The following PLEKHA6 variants were observed in gnomAD, a reference collection of about 807,000 sequenced individuals.
PLEKHA6 encodes pleckstrin homology domain containing A6.
A neutral mutation model predicts 116.7 loss-of-function variants in PLEKHA6; 60 were observed. The ratio of observed to expected loss-of-function variants is 0.51; its 90% CI spans 0.42 to 0.64. The LOEUF is 0.64. PLEKHA6 is among the 30% of genes least tolerant of loss of function. The probability of loss-of-function intolerance (pLI) is 0.00; values close to 1 mark genes in which losing one functional copy is unlikely to be tolerated. For synonymous variants in PLEKHA6, 489 were observed against 556.1 expected, an observed-to-expected ratio of 0.88 and a Z score of 1.70; for missense variants, 1,338 against 1,422.7, an observed-to-expected ratio of 0.94 and a Z score of 0.96.
chr1:204,363,278 C>A (rs1558202834), upstream of PLEKHA6, among the ~76,000 whole-genome samples: 1 of 152,250 alleles, frequency 6.6e-6, no homozygotes, highest in Non-Finnish European at 1.5e-5. Flanking sequence ...GGGGCAGAGA[C>A]CTGGGCTTCT....
intron 1 of PLEKHA6, among the ~76,000 whole-genome samples, chr1:204,294,680 C>T (rs544586080): frequency 1.8e-4 from 28 of 152,242 alleles, no homozygotes; most frequent in African/African-American, 6.5e-4. Context: ...GTTCCAATCC[C>T]GGCTCCACCA....
intron 1 of PLEKHA6, among the ~76,000 whole-genome samples, chr1:204,285,706 A>C (rs1050566151): frequency 1.3e-5 from 2 of 152,138 alleles, no homozygotes; most frequent in African/African-American, 4.8e-5. Flanking sequence ...TTTTTAAATC[A>C]CATGCATTAA....
In PLEKHA6 at chr1:204,228,229, C is replaced by T; in HGVS notation, c.2886-1G>A. 1 of 1,598,548 alleles carries T rather than the reference C, an allele frequency of 6.3e-7. No homozygotes were observed. The highest frequency in any genetic ancestry group is 8.5e-7 in the Non-Finnish European group (1 of 1,170,404). ...GCCGATGGGCACCACGTTCTGCATA[C>T]TGAAGAGGCACAGACACACAGAAAT... On this transcript the variant is annotated splice_acceptor_variant, in intron 20 of 22. Coordinates refer to ENST00000272203, the MANE Select transcript of PLEKHA6 (RefSeq NM_014935.5). LOFTEE classifies it high-confidence loss of function. The surrounding 1 kb of genome is among the most constrained non-coding windows in gnomAD (Gnocchi z 4.0).
rs765981892 is a variant in PLEKHA6 at position 204,228,040 on chromosome 1, C to A, written c.3031+43G>T. The A allele has an allele frequency of 3.1e-6, 5 of 1,598,866 alleles. No individual in the cohort carries two copies. Among genetic ancestry groups the A allele is most frequent in the Non-Finnish European group, 4.3e-6 (5 of 1,173,176 alleles). ...CGCTTCCTCCCTTAAACCTGGTCAG[C>A]TGGTTTCCCTGGCAGGGTGGAGCGA... On this transcript the variant is annotated intron_variant, in intron 21 of 22. Coordinates refer to ENST00000272203, the MANE Select transcript of PLEKHA6 (RefSeq NM_014935.5). This position sits in a 1 kb window ranked among gnomAD's most constrained non-coding sequence, Gnocchi z 4.0.
intron 1 of PLEKHA6, among the ~76,000 whole-genome samples, chr1:204,285,543 T>C (rs907924181): frequency 2.0e-5 from 3 of 151,942 alleles, no homozygotes; most frequent in African/African-American, 7.2e-5. Context: ...TAGTGCGATT[T>C]TGGCTCACCG....
chr1:204,254,170 C>T (rs1664960832), intron 9 of PLEKHA6, among the ~76,000 whole-genome samples: 1 of 152,228 alleles, frequency 6.6e-6, no homozygotes, highest in African/African-American at 2.4e-5. Flanking sequence ...CCTGGACCTC[C>T]CGGCCCTGCT....
chr1:204,304,753 G>A (rs1489667038), intron 1 of PLEKHA6, among the ~76,000 whole-genome samples: 1 of 152,138 alleles, frequency 6.6e-6, no homozygotes. Context: ...TTTAGCTTGA[G>A]CCTAAAAATT....
intron 22 of PLEKHA6, 123 bp from the exon 23 acceptor site, chr1:204,222,902 C>A: frequency 6.5e-6 from 1 of 154,922 alleles, no homozygotes; most frequent in Non-Finnish European, 1.4e-5. Context: ...TCCGGTCCCT[C>A]AGTCCTGAGA....
intron 1 of PLEKHA6, among the ~76,000 whole-genome samples, chr1:204,282,304 T>C (rs924188206): frequency 1.6e-4 from 25 of 152,200 alleles, no homozygotes; most frequent in African/African-American, 5.8e-4. Context: ...CCTCCCACCC[T>C]AGCTTGGTTC....
chr1:204,266,107 C>A (rs925786746), intron 5 of PLEKHA6, among the ~76,000 whole-genome samples: 1 of 152,032 alleles, frequency 6.6e-6, no homozygotes, highest in African/African-American at 2.4e-5. Context: ...CCCTGCTTCT[C>A]CTCCTACTCA....
chr1:204,354,145 C>G (rs180934373), intron 1 of PLEKHA6, among the ~76,000 whole-genome samples: 1 of 152,172 alleles, frequency 6.6e-6, no homozygotes, highest in African/African-American at 2.4e-5. Flanking sequence ...TGGGGGGACA[C>G]AATGATGTCA....
At chr1:204,329,901 A>G (rs1254493970) in intron 1 of PLEKHA6, among the ~76,000 whole-genome samples, 2 of 152,096 alleles carry the variant, frequency 1.3e-5, no homozygotes, top group South Asian at 2.1e-4. Flanking sequence ...AAAAAAAAAA[A>G]AGAGAAGACA....
chr1:204,225,155 C>T (rs942064857), intron 21 of PLEKHA6, among the ~76,000 whole-genome samples: 3 of 152,188 alleles, frequency 2.0e-5, no homozygotes, highest in Admixed American at 6.5e-5. Context: ...AAAAAGCAGA[C>T]ATAACAGCTT....
At chr1:204,330,303 G>T (rs1333642290) in intron 1 of PLEKHA6, among the ~76,000 whole-genome samples, 1 of 152,152 alleles carries the variant, frequency 6.6e-6, no homozygotes, top group Non-Finnish European at 1.5e-5. Flanking sequence ...TCAGCTGGAA[G>T]TCCCTTTCTT....
At chr1:204,308,570 C>T (rs1572157179) in intron 1 of PLEKHA6, among the ~76,000 whole-genome samples, 1 of 151,830 alleles carries the variant, frequency 6.6e-6, no homozygotes, top group East Asian at 1.9e-4. Flanking sequence ...ATCTGAGTCA[C>T]AGTAAATAAG....
chr1:204,352,623 A>G (rs1185483155), intron 1 of PLEKHA6, among the ~76,000 whole-genome samples: 2 of 152,290 alleles, frequency 1.3e-5, no homozygotes, highest in Non-Finnish European at 2.9e-5. Flanking sequence ...TATGTAGCAT[A>G]TGTCTGTATC....
chr1:204,257,270 C>T lies in PLEKHA6; in HGVS notation c.1524+83G>A. On this transcript the variant is annotated intron_variant, in intron 9 of 22. Transcript: ENST00000272203. This position sits in a 1 kb window ranked among gnomAD's most constrained non-coding sequence, Gnocchi z 6.5. ...TGGCCCCGTGGCACAGATGCTCCCA[C>T]ATCTCTGCCTTTTCTCAGTAGATGG... 1 of 1,339,020 alleles carries T rather than the reference C, an allele frequency of 7.5e-7. No homozygotes were observed. Among genetic ancestry groups the T allele is most frequent in the East Asian group, 2.5e-5 (1 of 39,844 alleles). 82.9% of individuals were successfully genotyped at this position (1,339,020 alleles called of 1,614,324 possible).
At chr1:204,316,795 C>T (rs1420626874) in intron 1 of PLEKHA6, among the ~76,000 whole-genome samples, 1 of 152,232 alleles carries the variant, frequency 6.6e-6, no homozygotes, top group Non-Finnish European at 1.5e-5. Context: ...GATGTCAGCT[C>T]ATTCCTCTTT....
Position 204,274,803 on chromosome 1 carries a change from ATTG to A in PLEKHA6, c.-91_-89del. 9 of 985,840 alleles carry A rather than the reference ATTG, an allele frequency of 9.1e-6. No individual in the cohort carries two copies. The highest frequency in any genetic ancestry group is 1.1e-5 in the Non-Finnish European group (9 of 829,912). 61.1% of individuals were successfully genotyped at this position (985,840 alleles called of 1,614,324 possible). A position where few individuals can be genotyped will look rare whatever the true frequency, so the allele number is the denominator to read the frequency against. The stretch of plus-strand genomic sequence containing the variant: ...GGTGTAGAAATGTGTTCCGTCTTTC[ATTG>A]TGGCTGTAGAGGGAAAAACAGAAGA... On this transcript the variant is annotated 5_prime_UTR_variant, in exon 2 of 23. The change creates a new upstream start codon in the 5' untranslated region. Transcript: ENST00000272203.
Sources: gnomAD v4.1 joint callset for allele counts (sites outside exome capture counted in the v4.1 genomes callset) on GRCh38, gnomAD v4.1.1 for gene constraint, Gnocchi (gnomAD v3.1) non-coding constraint, MANE v1.5 for transcripts, NCBI Gene and HGNC (gene_info 2026-07-23, HGNC 2026-07-21) for gene names.